Variants in ADGRL2 observed in about 807,000 individuals in gnomAD.
ADGRL2 encodes the protein adhesion G protein-coupled receptor L2.
Under a neutral mutation model 157.4 loss-of-function variants are expected in ADGRL2, and 44 were observed. The observed-to-expected ratio is 0.28, with a 90% CI of 0.22 to 0.36. The LOEUF is 0.36. ADGRL2 is among the 10% of genes least tolerant of loss of function. The pLI is 1.00. For missense variants in ADGRL2, 1,510 were observed against 1,768.9 expected, an observed-to-expected ratio of 0.85 and a Z score of 2.63; for synonymous variants, 585 against 624.7, an observed-to-expected ratio of 0.94 and a Z score of 0.95.
intron 23 of ADGRL2, chr1:81,990,122 C>T (rs996162239): frequency 5.3e-5 from 52 of 985,142 alleles, no homozygotes; most frequent in Non-Finnish European, 6.0e-5. Flanking sequence ...ATCAATTAAT[C>T]AGTACTGTCT....
At chr1:81,527,863 C>G (rs1188569399) in intron 2 of ADGRL2, among the ~76,000 whole-genome samples, 1 of 151,972 alleles carries the variant, frequency 6.6e-6, no homozygotes, top group African/African-American at 2.4e-5. Context: ...GTCAGGAGAT[C>G]GAGACCATCC....
At chr1:81,875,652 T>C (rs1041324677) in intron 2 of ADGRL2, among the ~76,000 whole-genome samples, 1 of 152,170 alleles carries the variant, frequency 6.6e-6, no homozygotes, top group Non-Finnish European at 1.5e-5. Context: ...AGCACTCTTC[T>C]TACATGTCCA....
chr1:81,783,318 C>T (rs1356121644), intron 2 of ADGRL2, among the ~76,000 whole-genome samples: 1 of 151,562 alleles, frequency 6.6e-6, no homozygotes, highest in Non-Finnish European at 1.5e-5. Context: ...TTAGTAGAGA[C>T]GGGGTTTCAC....
intron 3 of ADGRL2, among the ~76,000 whole-genome samples, chr1:81,626,801 A>G (rs902202280): frequency 6.6e-6 from 1 of 152,178 alleles, no homozygotes; most frequent in African/African-American, 2.4e-5. Flanking sequence ...GGCATTTTAT[A>G]AATATTTGCT....
rs576716216 is a variant in ADGRL2, at chr1:81,989,441, T to G, written c.3656-950T>G. On this transcript the variant is annotated intron_variant, in intron 23 of 23. Coordinates refer to ENST00000686636, the MANE Select transcript of ADGRL2 (RefSeq NM_001366006.2). ...CTGTGACTGATGCAGACTGCAGGGC[T>G]GCAGGCAAACTTTGACCACTAGAAG... 5.3e-5 allele frequency among the ~76,000 whole-genome samples: 8 copies of G among 152,314 alleles called. No individual in the cohort carries two copies. The South Asian group carries it at 1.7e-3, about 32-fold the overall frequency.
At chr1:81,516,220 G>A (rs1182291341) in intron 2 of ADGRL2, among the ~76,000 whole-genome samples, 1 of 152,088 alleles carries the variant, frequency 6.6e-6, no homozygotes, top group Admixed American at 6.6e-5. Flanking sequence ...AAAATAGCAT[G>A]CATTTTACTT....
chr1:81,918,244 G>A (rs187044107), intron 3 of ADGRL2, among the ~76,000 whole-genome samples: 4 of 152,172 alleles, frequency 2.6e-5, no homozygotes, highest in Non-Finnish European at 2.9e-5. Flanking sequence ...CTTCCTGATC[G>A]TGACATAAAT....
At chr1:81,722,358 C>T (rs1266078691) in intron 1 of ADGRL2, 2 of 731,608 alleles carry the variant, frequency 2.7e-6, no homozygotes, top group East Asian at 5.0e-5. Flanking sequence ...AAAGTGGTTG[C>T]TATTGAAGCC....
At chr1:81,596,847 T>C (rs541163389) in intron 3 of ADGRL2, among the ~76,000 whole-genome samples, 4 of 152,258 alleles carry the variant, frequency 2.6e-5, no homozygotes, top group African/African-American at 9.6e-5. Flanking sequence ...ATATTTGTCT[T>C]GGCTTTTGGG....
At chr1:81,654,016 G>A (rs548873687) in intron 3 of ADGRL2, among the ~76,000 whole-genome samples, 21 of 152,168 alleles carry the variant, frequency 1.4e-4, no homozygotes, top group African/African-American at 5.1e-4. Flanking sequence ...TGTGATCTGG[G>A]CTCACTGCAA....
chr1:81,623,732 G>A (rs935733795), intron 3 of ADGRL2, among the ~76,000 whole-genome samples: 1 of 150,094 alleles, frequency 6.7e-6, no homozygotes, highest in Non-Finnish European at 1.5e-5. Context: ...TGCCTCCCAG[G>A]TTCAAGCGAT....
In ADGRL2 at chr1:81,958,149, CAA is replaced by C. The variant is rs554398757; in HGVS notation, c.2017+2090_2017+2091del. ...GGGGGTGCCTGTAATCCCAGCTACT[CAA>C]GAGGCTGAGGCAGGAGAATCCCTCG... On this transcript the variant is annotated intron_variant, in intron 11 of 23. Transcript: ENST00000686636. Among the ~76,000 whole-genome samples the C allele has an allele frequency of 7.9e-5, 12 of 151,912 alleles. No individual in the cohort carries two copies. In the East Asian group the frequency reaches 2.1e-3, roughly 27 times the overall value.
At chr1:81,894,498 A>T (rs534498983) in intron 2 of ADGRL2, among the ~76,000 whole-genome samples, 1 of 152,132 alleles carries the variant, frequency 6.6e-6, no homozygotes, top group African/African-American at 2.4e-5. Context: ...CAAGCTCTGT[A>T]TATCTTTTGG....
At chr1:81,876,563 A>G (rs541275236) in intron 2 of ADGRL2, among the ~76,000 whole-genome samples, 2 of 149,524 alleles carry the variant, frequency 1.3e-5, no homozygotes, top group Non-Finnish European at 3.0e-5. Context: ...TCATGTATTA[A>G]CAAGTAGAGT....
At chr1:81,379,873 T>C (rs538917879) in intron 1 of ADGRL2, among the ~76,000 whole-genome samples, 9 of 152,264 alleles carry the variant, frequency 5.9e-5, no homozygotes, top group East Asian at 1.9e-4. Flanking sequence ...AATACAACAT[T>C]TGGGCACAAA....
chr1:81,704,199 C>A (rs1428918860), intron 1 of ADGRL2, among the ~76,000 whole-genome samples: 2 of 152,220 alleles, frequency 1.3e-5, no homozygotes, highest in East Asian at 3.8e-4. Flanking sequence ...TCCTAAAAAC[C>A]AGTTAAATCT....
chr1:81,628,590 T>C (rs935285407), intron 3 of ADGRL2, among the ~76,000 whole-genome samples: 4 of 152,174 alleles, frequency 2.6e-5, no homozygotes, highest in African/African-American at 7.2e-5. Context: ...ACTGAAACCA[T>C]GAGCAAGCCC....
chr1:81,475,801 T>G (rs2078260778), intron 2 of ADGRL2, among the ~76,000 whole-genome samples: 1 of 152,138 alleles, frequency 6.6e-6, no homozygotes, highest in South Asian at 2.1e-4. Flanking sequence ...AAGTGTCAAC[T>G]TGGGTTAATA....
chr1:81,981,004 T>C (rs1471196398), intron 18 of ADGRL2: 4 of 420,966 alleles, frequency 9.5e-6, no homozygotes, highest in East Asian at 7.2e-5. Context: ...TGCTTGCCTC[T>C]GCATTTTGAC....
Sources: gnomAD v4.1 joint callset for allele counts (sites outside exome capture counted in the v4.1 genomes callset) on GRCh38, gnomAD v4.1.1 for gene constraint, MANE v1.5 for transcripts, NCBI Gene and HGNC (gene_info 2026-07-23, HGNC 2026-07-21) for gene names.